The following TCF7L1 variants were observed in gnomAD, a reference collection of about 807,000 sequenced individuals.
The protein encoded by TCF7L1 is transcription factor 7 like 1.
In TCF7L1, 18 loss-of-function variants were observed where a neutral mutation model predicts 63.7. The ratio of observed to expected loss-of-function variants is 0.28; its 90% CI spans 0.20 to 0.42. The LOEUF is 0.42. TCF7L1 is among the 10% of genes least tolerant of loss of function. The pLI is 1.00. For synonymous variants in TCF7L1, 355 were observed against 340.9 expected, an observed-to-expected ratio of 1.04 and a Z score of -0.46; for missense variants, 654 against 779.3, an observed-to-expected ratio of 0.84 and a Z score of 1.91.
At chr2:85,253,837 G>T (rs1680646198) in intron 3 of TCF7L1, among the ~76,000 whole-genome samples, 1 of 152,242 alleles carries the variant, frequency 6.6e-6, no homozygotes. Flanking sequence ...TGTGGGAGCT[G>T]AGGCTCAGAA....
chr2:85,258,051 A>G (rs1197158483), intron 3 of TCF7L1, among the ~76,000 whole-genome samples: 1 of 152,224 alleles, frequency 6.6e-6, no homozygotes, highest in African/African-American at 2.4e-5. Flanking sequence ...GGGAATAACA[A>G]CAATACTAAA....
intron 3 of TCF7L1, among the ~76,000 whole-genome samples, chr2:85,273,399 A>G (rs1178041653): frequency 6.6e-6 from 1 of 152,116 alleles, no homozygotes; most frequent in Non-Finnish European, 1.5e-5. Context: ...CCTCCTTCAA[A>G]TCATCACCCA....
chr2:85,169,919 G>A (rs1472511552), intron 3 of TCF7L1, among the ~76,000 whole-genome samples: 2 of 152,142 alleles, frequency 1.3e-5, no homozygotes, highest in Non-Finnish European at 2.9e-5. Context: ...GTTTTACTTG[G>A]GCACAAGATA....
At chr2:85,214,131 C>G (rs550341085) in intron 3 of TCF7L1, among the ~76,000 whole-genome samples, 2 of 152,352 alleles carry the variant, frequency 1.3e-5, no homozygotes, top group South Asian at 2.1e-4. Flanking sequence ...TCATCCTCCC[C>G]CTCCCGTGAA....
chr2:85,213,419 CA>C (rs1248031833), intron 3 of TCF7L1, among the ~76,000 whole-genome samples: 1 of 152,072 alleles, frequency 6.6e-6, no homozygotes, highest in Non-Finnish European at 1.5e-5. Context: ...AAGTAATACC[CA>C]AAAATAGCCT....
intron 3 of TCF7L1, among the ~76,000 whole-genome samples, chr2:85,211,819 G>A (rs910673810): frequency 2.6e-5 from 4 of 152,170 alleles, no homozygotes; most frequent in Non-Finnish European, 5.9e-5. Flanking sequence ...GCCAGGAATG[G>A]TAGCTCATGC....
intron 4 of TCF7L1, among the ~76,000 whole-genome samples, chr2:85,299,887 A>ACACACACACACACACACACACACC (rs1681930172): frequency 6.6e-6 from 1 of 151,234 alleles, no homozygotes; most frequent in African/African-American, 2.4e-5. Flanking sequence ...ACACACACAC[A>ACACACACACACACACACACACACC]CACACACACA....
At chr2:85,174,329 G>A (rs996936068) in intron 3 of TCF7L1, among the ~76,000 whole-genome samples, 3 of 152,094 alleles carry the variant, frequency 2.0e-5, no homozygotes, top group Non-Finnish European at 4.4e-5. Flanking sequence ...CGTTTTTGTT[G>A]CCAAATACTG....
At chr2:85,258,809 G>A (rs1460918069) in intron 3 of TCF7L1, among the ~76,000 whole-genome samples, 1 of 152,186 alleles carries the variant, frequency 6.6e-6, no homozygotes. Context: ...ACTGACCCCT[G>A]AGACTTAAGA....
intron 3 of TCF7L1, among the ~76,000 whole-genome samples, chr2:85,252,337 G>T (rs72840021): frequency 2.0e-5 from 3 of 152,196 alleles, no homozygotes; most frequent in African/African-American, 4.8e-5. Flanking sequence ...CTGAGCATTC[G>T]CAGGACTTGT....
chr2:85,259,951 G>T (rs1465839300), intron 3 of TCF7L1, among the ~76,000 whole-genome samples: 2 of 152,188 alleles, frequency 1.3e-5, no homozygotes, highest in Non-Finnish European at 2.9e-5. Flanking sequence ...CTGTGCATAT[G>T]TGAGGGGAGG....
At chr2:85,234,178 C>G (rs1351991202) in intron 3 of TCF7L1, among the ~76,000 whole-genome samples, 2 of 140,462 alleles carry the variant, frequency 1.4e-5, no homozygotes, top group Non-Finnish European at 3.0e-5. Context: ...GCTCTTTCGC[C>G]AGGCTGGAGT....
chr2:85,149,309 G>GTATATATATATGTATATA (rs1677952184), intron 3 of TCF7L1, among the ~76,000 whole-genome samples: 1 of 122,756 alleles, frequency 8.1e-6, no homozygotes, highest in African/African-American at 3.1e-5. Flanking sequence ...GTGTATATAT[G>GTATATATATATGTATATA]TATATACACA....
intron 3 of TCF7L1, among the ~76,000 whole-genome samples, chr2:85,200,743 C>T (rs550835301): frequency 6.6e-6 from 1 of 152,282 alleles, no homozygotes; most frequent in East Asian, 1.9e-4. Flanking sequence ...CGCAAGAGAT[C>T]ACTTTTTACT....
At chr2:85,219,023 C>T (rs1679778546) in intron 3 of TCF7L1, among the ~76,000 whole-genome samples, 2 of 152,164 alleles carry the variant, frequency 1.3e-5, no homozygotes, top group South Asian at 4.2e-4. Flanking sequence ...AAAATAGGCA[C>T]ACACCTGTAA....
chr2:85,139,555 C>G (rs1677673916), intron 3 of TCF7L1, among the ~76,000 whole-genome samples: 1 of 152,122 alleles, frequency 6.6e-6, no homozygotes, highest in South Asian at 2.1e-4. Context: ...CTGGGTGATC[C>G]AAGAAGGCAG....
chr2:85,262,391 A>AT, intron 3 of TCF7L1: 1 of 395,750 alleles, frequency 2.5e-6, no homozygotes, highest in South Asian at 2.1e-5. Context: ...GTCTCTTAAA[A>AT]GAAAAAAAAA....
chr2:85,289,976 GTT>G (rs11291687), intron 4 of TCF7L1, among the ~76,000 whole-genome samples: 25 of 139,874 alleles, frequency 1.8e-4, no homozygotes, highest in African/African-American at 3.7e-4. Flanking sequence ...GCCTAGCCCA[GTT>G]TTTTTTTTTT....
intron 3 of TCF7L1, among the ~76,000 whole-genome samples, chr2:85,198,609 C>T (rs1054347976): frequency 2.6e-5 from 4 of 152,198 alleles, no homozygotes; most frequent in Non-Finnish European, 5.9e-5. Context: ...CTAATGCAGA[C>T]CCAACTGACC....
Sources: gnomAD v4.1 joint callset for allele counts (sites outside exome capture counted in the v4.1 genomes callset) on GRCh38, gnomAD v4.1.1 for gene constraint, MANE v1.5 for transcripts, NCBI Gene and HGNC (gene_info 2026-07-23, HGNC 2026-07-21) for gene names.